Variants in SMAD1 observed in about 807,000 individuals in gnomAD.
The protein encoded by SMAD1 is MAD, mothers against decapentaplegic homolog 1.
Under a neutral mutation model 41.6 loss-of-function variants are expected in SMAD1, and 6 were observed. The observed-to-expected ratio is 0.14, with a 90% CI of 0.08 to 0.28. The LOEUF is 0.28. Ranked by LOEUF, SMAD1 falls within the 10% of genes least tolerant of loss-of-function variation. SMAD1 has a pLI of 1.00. For synonymous variants in SMAD1, 206 were observed against 203.2 expected (o/e 1.01, Z -0.12); for missense variants, 379 against 582.6 (o/e 0.65, Z 3.60).
Position 145,514,530 on chromosome 4 carries a change from T to C in SMAD1, c.-84T>C. Reference sequence around the variant, plus strand: ...GAAGTTAAAGAGACTTCTCTGTAAATAAACAAATCTCTTCTGCTGTCCTTT... The same window carrying C: ...GAAGTTAAAGAGACTTCTCTGTAAACAAACAAATCTCTTCTGCTGTCCTTT... On this transcript the variant is annotated 5_prime_UTR_variant, in exon 2 of 7. Transcript: ENST00000302085. The surrounding 1 kb of genome is among the most constrained non-coding windows in gnomAD (Gnocchi z 4.7). The C allele has an allele frequency of 7.7e-7, 1 of 1,297,346 alleles. No homozygotes were observed. Among genetic ancestry groups the C allele is most frequent in the East Asian group, 2.3e-5 (1 of 42,748 alleles). 80.4% of individuals were successfully genotyped at this position (1,297,346 alleles called of 1,614,324 possible).
At chr4:145,520,909 A>G (rs1730711113) in intron 2 of SMAD1, among the ~76,000 whole-genome samples, 1 of 152,256 alleles carries the variant, frequency 6.6e-6, no homozygotes, top group Non-Finnish European at 1.5e-5. Flanking sequence ...CTTTGCTACA[A>G]CTTGTGTTTA....
At chr4:145,528,090 C>CACAT (rs909813443) in intron 2 of SMAD1, among the ~76,000 whole-genome samples, 1 of 147,164 alleles carries the variant, frequency 6.8e-6, no homozygotes, top group Non-Finnish European at 1.5e-5. Context: ...CACACACACA[C>CACAT]ACATACACAC....
intron 2 of SMAD1, among the ~76,000 whole-genome samples, chr4:145,522,255 C>T (rs1008177757): frequency 7.3e-5 from 11 of 151,414 alleles, no homozygotes; most frequent in Non-Finnish European, 1.5e-4. Flanking sequence ...GCCGGGATCG[C>T]GCCACTGCAC....
At chr4:145,522,923 C>T (rs947854150) in intron 2 of SMAD1, among the ~76,000 whole-genome samples, 1 of 151,978 alleles carries the variant, frequency 6.6e-6, no homozygotes, top group African/African-American at 2.4e-5. Flanking sequence ...GTGATCTGCC[C>T]GCCTCAGCCT....
intron 1 of SMAD1, among the ~76,000 whole-genome samples, chr4:145,503,459 C>A (rs1272439495): frequency 6.6e-6 from 1 of 152,130 alleles, no homozygotes; most frequent in Non-Finnish European, 1.5e-5. Flanking sequence ...TATCCATTTT[C>A]ATTTTTCTTT....
At chr4:145,539,767 AT>A (rs764439033) in intron 2 of SMAD1, 36 bp from the exon 3 acceptor site, 1 of 1,598,428 alleles carries the variant, frequency 6.3e-7, no homozygotes, top group Non-Finnish European at 8.6e-7. Context: ...CATAATTCTC[AT>A]GTTTGTCCTT....
Position 145,514,796 on chromosome 4 carries a change from G to A in SMAD1, c.183G>A (p.Pro61=), listed in dbSNP as rs773218247. The A allele has an allele frequency of 1.1e-5, 18 of 1,613,962 alleles. No individual in the cohort carries two copies. The highest frequency in any genetic ancestry group is 2.2e-5 in the South Asian group (2 of 91,076). ...LEKALSCPGQ[P]SNCVTIPRSL... is the part of the protein sequence containing the mutation. ...AGGCCTTGAGCTGCCCAGGGCAACC[G>A]AGTAACTGTGTCACCATTCCCCGCT... Residue 61 remains proline (P), a synonymous_variant, in exon 2 of 7, where the codon CCG becomes CCA. Transcript: ENST00000302085. This position sits in a 1 kb window ranked among gnomAD's most constrained non-coding sequence, Gnocchi z 4.7.
intron 5 of SMAD1, among the ~76,000 whole-genome samples, chr4:145,552,514 A>G (rs1732605946): frequency 6.6e-6 from 1 of 152,154 alleles, no homozygotes; most frequent in South Asian, 2.1e-4. Flanking sequence ...AAGGCAGGGT[A>G]GGCCCAATTT....
chr4:145,528,756 T>C (rs1258067576), intron 2 of SMAD1, among the ~76,000 whole-genome samples: 1 of 152,226 alleles, frequency 6.6e-6, no homozygotes, highest in Non-Finnish European at 1.5e-5. Flanking sequence ...TGACTACCTC[T>C]TACTGTGTGC....
chr4:145,506,220 A>G (rs1276394106), intron 1 of SMAD1, among the ~76,000 whole-genome samples: 1 of 152,238 alleles, frequency 6.6e-6, no homozygotes, highest in Non-Finnish European at 1.5e-5. Context: ...TTCAAAGTGA[A>G]GTTAATCAAT....
intron 1 of SMAD1, among the ~76,000 whole-genome samples, chr4:145,491,957 T>C (rs1178981401): frequency 3.3e-5 from 5 of 152,192 alleles, no homozygotes; most frequent in African/African-American, 1.2e-4. Context: ...GACGAGTTTA[T>C]GAGGTATTAA....
At chr4:145,556,716 A>G (rs2126565074) in intron 6 of SMAD1, among the ~76,000 whole-genome samples, 1 of 152,216 alleles carries the variant, frequency 6.6e-6, no homozygotes, top group South Asian at 2.1e-4. Context: ...CCTGAGACAG[A>G]GTCTCTCTCT....
At chr4:145,483,875 C>T (rs1728330033) in intron 1 of SMAD1, among the ~76,000 whole-genome samples, 1 of 152,112 alleles carries the variant, frequency 6.6e-6, no homozygotes, top group Non-Finnish European at 1.5e-5. Context: ...CTTGCAGTAT[C>T]CTTTGGTTTC....
At chr4:145,490,472 G>A (rs1268671018) in intron 1 of SMAD1, among the ~76,000 whole-genome samples, 1 of 152,128 alleles carries the variant, frequency 6.6e-6, no homozygotes, top group Non-Finnish European at 1.5e-5. Context: ...CAATTGGGGG[G>A]AAACCTGGGG....
chr4:145,513,768 A>G (rs1730222784), intron 1 of SMAD1, among the ~76,000 whole-genome samples: 1 of 152,206 alleles, frequency 6.6e-6, no homozygotes, highest in African/African-American at 2.4e-5. Flanking sequence ...TAGAGGTTAT[A>G]AATGAATCTA....
chr4:145,543,368 T>C (rs1292501436), intron 4 of SMAD1, among the ~76,000 whole-genome samples: 2 of 152,208 alleles, frequency 1.3e-5, no homozygotes, highest in Non-Finnish European at 2.9e-5. Flanking sequence ...TGGAAGTTGG[T>C]ATAACTGGGC....
intron 2 of SMAD1, among the ~76,000 whole-genome samples, chr4:145,517,793 C>G (rs1730511599): frequency 8.0e-6 from 1 of 125,112 alleles, no homozygotes; most frequent in Non-Finnish European, 2.0e-5. Flanking sequence ...GAATTTGTTA[C>G]TCTTAATAAC....
intron 4 of SMAD1, chr4:145,545,188 CATTACAT>C (rs1732178226): frequency 6.6e-6 from 1 of 152,110 alleles, no homozygotes; most frequent in Admixed American, 6.5e-5. Context: ...TGTATTCATT[CATTACAT>C]ATTGTCTATG....
chr4:145,521,794 T>C (rs569508014), intron 2 of SMAD1, among the ~76,000 whole-genome samples: 3 of 152,182 alleles, frequency 2.0e-5, no homozygotes, highest in African/African-American at 2.4e-5. Flanking sequence ...TTTTGTAATA[T>C]TCTGTGATAG....
Sources: allele counts gnomAD v4.1 joint callset (sites outside exome capture counted in the v4.1 genomes callset), GRCh38; gene constraint gnomAD v4.1.1; non-coding constraint Gnocchi (gnomAD v3.1); transcripts MANE v1.5; gene names NCBI Gene and HGNC (gene_info 2026-07-23, HGNC 2026-07-21).